SLC22A11: variants seen among roughly 807,000 people sequenced by gnomAD.
The protein encoded by SLC22A11 is solute carrier family 22 member 11.
A neutral mutation model predicts 49.4 loss-of-function variants in SLC22A11; 42 were observed. That is an observed-to-expected ratio of 0.85 (90% confidence interval 0.66 to 1.10). The LOEUF (loss-of-function observed/expected upper bound fraction) is 1.10, where lower values mean the gene tolerates loss of function less well. SLC22A11 is among the 50% of genes least tolerant of loss of function. The pLI is 0.00. For synonymous variants in SLC22A11, 304 were observed against 315.8 expected (o/e 0.96, Z 0.40); for missense variants, 685 against 731.6 (o/e 0.94, Z 0.74).
rs200940800 is a variant in SLC22A11, at chr11:64,564,385, C to T, written c.899C>T (p.Ala300Val). 1.0e-4 allele frequency: 161 copies of T among 1,614,002 alleles called. 1 individual carries two copies. The highest frequency in any genetic ancestry group is 9.8e-4 in the Admixed American group (59 of 60,000). The change falls in exon 5 of 10, where the codon GCC (alanine) becomes GTC (valine). Residue 300 changes from alanine (A) to valine (V), a missense_variant. Transcript: ENST00000301891. The surrounding 1 kb of genome is among the most constrained non-coding windows in gnomAD (Gnocchi z 4.2). ...DQALQELRKV[A>V]RINGHKEAKN... is the part of the protein sequence containing the mutation. ...GCACTTCAGGAGCTCAGAAAGGTGGCCAGGATAAATGGCCACAAGGAGGCC... is the reference window on the plus strand; with the variant it reads ...GCACTTCAGGAGCTCAGAAAGGTGGTCAGGATAAATGGCCACAAGGAGGCC...
chr11:64,556,286 T>C lies in SLC22A11; in HGVS notation c.287T>C (p.Leu96Ser), dbSNP rs966671143. 6 of 1,613,776 alleles carry C rather than the reference T, an allele frequency of 3.7e-6. No individual in the cohort carries two copies. The highest frequency in any genetic ancestry group is 5.1e-6 in the Non-Finnish European group (6 of 1,180,042). ...RRFRQPQWQL[L>S]DPNATATSWS... ...TTCCGCCAGCCACAGTGGCAGCTCT[T>C]GGACCCCAATGCCACGGCCACCAGC... Residue 96 changes from leucine (L) to serine (S), a missense_variant, in exon 1 of 10, where the codon TTG (leucine) becomes TCG (serine). Coordinates refer to ENST00000301891, the MANE Select transcript of SLC22A11 (RefSeq NM_018484.4).
In SLC22A11 at chr11:64,556,234, AACCAGGGGCCCC is replaced by A. The variant is rs1336250421; in HGVS notation, c.241_252del (p.Gly81_Gln84del). ...GACCATCTCCATCCCGCCAGGCCCC[AACCAGGGGCCCC>A]ACCAGTGCCGCCGCTTCCGCCAGCC... is the stretch of plus-strand genomic sequence containing the variant. On this transcript the variant is annotated inframe_deletion, in exon 1 of 10. Coordinates refer to ENST00000301891, the MANE Select transcript of SLC22A11 (RefSeq NM_018484.4). 57 of 1,614,006 alleles carry A rather than the reference AACCAGGGGCCCC, an allele frequency of 3.5e-5. No homozygotes were observed. In the East Asian group the frequency reaches 1.3e-3, roughly 36 times the overall value.
In SLC22A11 at chr11:64,565,239, G is replaced by A. The variant is rs1345768374; in HGVS notation, c.960G>A (p.Val320=). The part of the protein sequence containing the change: ...NLTIEVLMSS[V]KEEVASAKEP... ...CCCGGAAGGTGCTGATGTCCAGCGT[G>A]AAGGAGGAGGTGGCCTCTGCAAAGG... is the stretch of plus-strand genomic sequence containing the variant. The change falls in exon 6 of 10, where the codon GTG becomes GTA. Residue 320 remains valine, a synonymous_variant. Transcript: ENST00000301891. The surrounding 1 kb of genome is among the most constrained non-coding windows in gnomAD (Gnocchi z 4.1). 6.5e-7 allele frequency: 1 copy of A among 1,543,980 alleles called. No individual in the cohort carries two copies.
chr11:64,561,562 C>A (rs2038544230), intron 2 of SLC22A11, among the ~76,000 whole-genome samples: 1 of 152,148 alleles, frequency 6.6e-6, no homozygotes, highest in African/African-American at 2.4e-5. Context: ...CATCCTCCCA[C>A]CTCAGCCTCC....
chr11:64,570,891 C>G, intron 9 of SLC22A11, 88 bp from the exon 10 acceptor site: 1 of 1,287,758 alleles, frequency 7.8e-7, no homozygotes, highest in Non-Finnish European at 1.1e-6. Flanking sequence ...AGTTTACCCC[C>G]CAATAAGACT....
At chr11:64,570,926 C>T (rs1429301882) in intron 9 of SLC22A11, 53 bp from the exon 10 acceptor site, 13 of 1,596,778 alleles carry the variant, frequency 8.1e-6, no homozygotes, top group East Asian at 2.2e-5. Context: ...CCCCAAGCTC[C>T]GAGTACATAC....
chr11:64,555,952 C>T lies in SLC22A11; in HGVS notation c.-48C>T. On this transcript the variant is annotated 5_prime_UTR_variant, in exon 1 of 10. Transcript: ENST00000301891. ...TGGATCTTGTGGCTGCAATCGGTTC[C>T]AAACAGCAGTTAGGTCAGCAGTCCG... 6.5e-7 allele frequency: 1 copy of T among 1,539,402 alleles called. No individual in the cohort carries two copies.
intron 1 of SLC22A11, among the ~76,000 whole-genome samples, 199 bp downstream of exon 1, chr11:64,556,591 C>CG (rs1565119196): frequency 6.6e-6 from 1 of 152,116 alleles, no homozygotes; most frequent in Non-Finnish European, 1.5e-5. Flanking sequence ...CCTGGTAGTG[C>CG]GGGGGGCACC....
intron 1 of SLC22A11, among the ~76,000 whole-genome samples, chr11:64,558,124 G>A (rs533832291): frequency 6.6e-6 from 1 of 152,216 alleles, no homozygotes; most frequent in East Asian, 1.9e-4. Context: ...TAGTAGATAT[G>A]AGGTCTGACT....
chr11:64,571,029 G>T lies in SLC22A11; in HGVS notation c.1640G>T (p.Ser547Ile), dbSNP rs1269166905. Residue 547 changes from serine (S) to isoleucine (I), a missense_variant, in exon 10 of 10, where the codon AGT (serine) becomes ATT (isoleucine). By Grantham distance (142) the Ser-to-Ile change is moderately radical (BLOSUM62 -2). Transcript: ENST00000301891. ...GNRQEAVTVESTSL is the reference protein window; with the variant it reads ...GNRQEAVTVEITSL Reference sequence around the variant, plus strand: ...CGGCAAGAGGCCGTCACTGTGGAAAGTACCTCGCTCTAGAAATTGTGCCTG... The same window carrying T: ...CGGCAAGAGGCCGTCACTGTGGAAATTACCTCGCTCTAGAAATTGTGCCTG... 6.2e-7 allele frequency: 1 copy of T among 1,614,234 alleles called. No individual in the cohort carries two copies. The highest frequency in any genetic ancestry group is 8.5e-7 in the Non-Finnish European group (1 of 1,180,044).
At chr11:64,558,638 T>C (rs12808503) in intron 1 of SLC22A11, among the ~76,000 whole-genome samples, 68,820 of 151,974 alleles carry the variant, frequency 0.45, 16,676 homozygotes, top group Non-Finnish European at 0.55. Context: ...GCAGTGGCTC[T>C]GCCACGTCCA....
Position 64,562,142 on chromosome 11 carries a change from G to A in SLC22A11, c.636G>A (p.Leu212=), listed in dbSNP as rs552673894. 6.8e-6 allele frequency: 11 copies of A among 1,613,752 alleles called. No homozygotes were observed. In the East Asian group the frequency reaches 2.0e-4, roughly 29 times the overall value. Residue 212 remains leucine, a synonymous_variant, in exon 3 of 10, where the codon CTG becomes CTA. Coordinates refer to ENST00000301891, the MANE Select transcript of SLC22A11 (RefSeq NM_018484.4). This position sits in a 1 kb window ranked among gnomAD's most constrained non-coding sequence, Gnocchi z 4.4. ...CTTTTGGGATGGCCGGCATCTTTCT[G>A]AGTTCACTGACACTGAGTGAGTCCC... ...VAAFGMAGIF[L]SSLTLMVEWT...
Position 64,565,208 on chromosome 11 carries a change from A to G in SLC22A11, c.943-14A>G. 1 of 1,517,754 alleles carries G rather than the reference A, an allele frequency of 6.6e-7. No individual in the cohort carries two copies. Among genetic ancestry groups the G allele is most frequent in the Non-Finnish European group, 8.9e-7 (1 of 1,125,956 alleles). 94.0% of individuals were successfully genotyped at this position (1,517,754 alleles called of 1,614,324 possible). A position where few individuals can be genotyped will look rare whatever the true frequency, so the allele number is the denominator to read the frequency against. ...TTGCCCTACCATTCACGGTGCCCCC[A>G]TTCTCCCCGGAAGGTGCTGATGTCC... On this transcript the variant is annotated splice_polypyrimidine_tract_variant and intron_variant, in intron 5 of 9. Transcript: ENST00000301891. The surrounding 1 kb of genome is among the most constrained non-coding windows in gnomAD (Gnocchi z 4.1).
chr11:64,556,005 G>A lies in SLC22A11; in HGVS notation c.6G>A (p.Ala2=), dbSNP rs909698969. 2.4e-5 allele frequency: 39 copies of A among 1,606,166 alleles called. No homozygotes were observed. The highest frequency in any genetic ancestry group is 3.3e-5 in the South Asian group (3 of 90,946). The change falls in exon 1 of 10, where the codon GCG becomes GCA. Residue 2 remains alanine, a synonymous_variant. Coordinates refer to ENST00000301891, the MANE Select transcript of SLC22A11 (RefSeq NM_018484.4). ...CAGCCGAGGCAGCTCTGTTCATGGC[G>A]TTCTCGAAGCTCTTGGAGCAAGCCG... M[A]FSKLLEQAGG...
At position 64,556,038 on chromosome 11, in the gene SLC22A11, G is replaced by A; in HGVS notation, c.39G>A (p.Val13=). Reference sequence around the variant, plus strand: ...AGCTCTTGGAGCAAGCCGGAGGCGTGGGCCTCTTCCAGACCCTGCAGGTGC... The same window carrying A: ...AGCTCTTGGAGCAAGCCGGAGGCGTAGGCCTCTTCCAGACCCTGCAGGTGC... ...FSKLLEQAGG[V]GLFQTLQVLT... Residue 13 remains valine, a synonymous_variant, in exon 1 of 10, where the codon GTG becomes GTA. Transcript: ENST00000301891. 6.2e-7 allele frequency: 1 copy of A among 1,612,974 alleles called. No individual in the cohort carries two copies. The highest frequency in any genetic ancestry group is 1.7e-5 in the Admixed American group (1 of 60,014).
rs2038616714 is a variant in SLC22A11 at position 64,565,751 on chromosome 11, C to T, written c.1058+414C>T. Reference sequence around the variant, plus strand: ...TGCTCCTAGAGGGTGAACCTGCATTCGCTGACCCCTCCATGCAACCCCACT... The same window carrying T: ...TGCTCCTAGAGGGTGAACCTGCATTTGCTGACCCCTCCATGCAACCCCACT... On this transcript the variant is annotated intron_variant, in intron 6 of 9. Coordinates refer to ENST00000301891, the MANE Select transcript of SLC22A11 (RefSeq NM_018484.4). This position sits in a 1 kb window ranked among gnomAD's most constrained non-coding sequence, Gnocchi z 4.1. 2.8e-6 allele frequency: 1 copy of T among 351,122 alleles called. No homozygotes were observed. The highest frequency in any genetic ancestry group is 5.7e-6 in the Non-Finnish European group (1 of 175,762). 21.8% of individuals were successfully genotyped at this position (351,122 alleles called of 1,614,324 possible).
chr11:64,568,587 C>T (rs939626764), intron 7 of SLC22A11, 83 bp from the exon 8 acceptor site: 3 of 1,176,594 alleles, frequency 2.5e-6, no homozygotes, highest in Non-Finnish European at 3.8e-6. Context: ...GTCCCCTCTG[C>T]TCCAGGCTGG....
chr11:64,567,090 T>C (rs17300895), intron 6 of SLC22A11, among the ~76,000 whole-genome samples: 61,828 of 151,526 alleles, frequency 0.41, 14,070 homozygotes, highest in Non-Finnish European at 0.53. Context: ...AGTCACAGGC[T>C]GCTCTCCCCA....
intron 1 of SLC22A11, 78 bp downstream of exon 1, chr11:64,556,470 G>A (rs2038461759): frequency 1.3e-6 from 2 of 1,552,818 alleles, no homozygotes; most frequent in Non-Finnish European, 1.7e-6. Context: ...TGGACTCCAA[G>A]GTCCAGTCCT....
Sources: allele counts gnomAD v4.1 joint callset (sites outside exome capture counted in the v4.1 genomes callset), GRCh38; gene constraint gnomAD v4.1.1; non-coding constraint Gnocchi (gnomAD v3.1); transcripts MANE v1.5; gene names NCBI Gene and HGNC (gene_info 2026-07-23, HGNC 2026-07-21).